Variants in TSHZ3 observed in about 807,000 individuals in gnomAD.
TSHZ3 encodes the protein teashirt zinc finger homeobox 3.
A neutral mutation model predicts 64.5 loss-of-function variants in TSHZ3; 10 were observed. The observed-to-expected ratio is 0.16, with a 90% CI of 0.10 to 0.26. The LOEUF (loss-of-function observed/expected upper bound fraction) is 0.26, where lower values mean the gene tolerates loss of function less well. Among genes scored for constraint, TSHZ3 ranks in the 10% least tolerant of loss-of-function variants. The probability of loss-of-function intolerance (pLI) is 1.00; values close to 1 mark genes in which losing one functional copy is unlikely to be tolerated. For missense variants in TSHZ3, 1,242 were observed against 1,421.7 expected (o/e 0.87, Z 2.03); for synonymous variants, 608 against 593.1 (o/e 1.03, Z -0.36).
intron 5 of TSHZ3, among the ~76,000 whole-genome samples, chr19:31,187,110 G>T (rs1475943581): frequency 6.6e-6 from 1 of 151,980 alleles, no homozygotes; most frequent in Non-Finnish European, 1.5e-5. Flanking sequence ...TTACAATCAG[G>T]ACACAGAGCA....
chr19:31,304,225 G>A (rs1028485419), intron 1 of TSHZ3, among the ~76,000 whole-genome samples: 5 of 145,838 alleles, frequency 3.4e-5, no homozygotes, highest in Middle Eastern at 3.6e-3. Flanking sequence ...TGCCTGCCTC[G>A]GCCTCCCAAA....
chr19:31,259,472 T>C (rs973337446), intron 1 of TSHZ3, among the ~76,000 whole-genome samples: 1 of 152,002 alleles, frequency 6.6e-6, no homozygotes, highest in African/African-American at 2.4e-5. Flanking sequence ...CCTCAGACTG[T>C]CCAGGTAGGG....
chr19:31,344,886 G>C (rs2145202030), intron 1 of TSHZ3, among the ~76,000 whole-genome samples: 1 of 152,334 alleles, frequency 6.6e-6, no homozygotes, highest in South Asian at 2.1e-4. Flanking sequence ...AGGCAATTTA[G>C]GGAATCGCTG....
chr19:31,170,002 T>G (rs1027365655), intron 5 of TSHZ3, among the ~76,000 whole-genome samples: 5 of 152,128 alleles, frequency 3.3e-5, no homozygotes, highest in African/African-American at 1.2e-4. Flanking sequence ...GCTAATAGGG[T>G]CTAGCTGAAT....
chr19:31,338,087 T>C (rs1344086454), intron 1 of TSHZ3, among the ~76,000 whole-genome samples: 1 of 152,208 alleles, frequency 6.6e-6, no homozygotes, highest in Non-Finnish European at 1.5e-5. Flanking sequence ...GTAGTGTAGA[T>C]CCAGCAGGAA....
intron 1 of TSHZ3, among the ~76,000 whole-genome samples, chr19:31,306,632 G>A (rs1372509947): frequency 6.6e-6 from 1 of 152,048 alleles, no homozygotes; most frequent in Non-Finnish European, 1.5e-5. Context: ...ACAGAACCTG[G>A]GTCTCTGCCA....
chr19:31,224,191 A>T (rs1474455295), intron 4 of TSHZ3, among the ~76,000 whole-genome samples: 1 of 152,188 alleles, frequency 6.6e-6, no homozygotes, highest in East Asian at 1.9e-4. Context: ...AATAAGGTTT[A>T]CCATTTGTCT....
chr19:31,206,446 G>A (rs571317920), intron 4 of TSHZ3, among the ~76,000 whole-genome samples: 17 of 152,258 alleles, frequency 1.1e-4, no homozygotes, highest in African/African-American at 4.1e-4. Flanking sequence ...AGCAAAGCAA[G>A]AGACACCAAA....
At chr19:31,294,495 C>G (rs146616170) in intron 1 of TSHZ3, among the ~76,000 whole-genome samples, 2 of 152,278 alleles carry the variant, frequency 1.3e-5, no homozygotes, top group African/African-American at 4.8e-5. Flanking sequence ...AGTTAACATG[C>G]ACCCAGGCCT....
intron 1 of TSHZ3, among the ~76,000 whole-genome samples, chr19:31,335,581 C>T (rs1244989039): frequency 1.3e-5 from 2 of 152,190 alleles, no homozygotes; most frequent in African/African-American, 2.4e-5. Context: ...TGGTTGTCTC[C>T]CACTCAGACT....
exon 7 of TSHZ3, among the ~76,000 whole-genome samples, chr19:31,150,134 G>T (rs1974220142): frequency 6.7e-6 from 1 of 149,972 alleles, no homozygotes; most frequent in South Asian, 2.1e-4. Flanking sequence ...TGCAAAATGT[G>T]ATTTTTTTCC....
chr19:31,223,157 C>T (rs1299830838), intron 4 of TSHZ3, among the ~76,000 whole-genome samples: 1 of 152,158 alleles, frequency 6.6e-6, no homozygotes, highest in Non-Finnish European at 1.5e-5. Context: ...CTGCTCATCT[C>T]ATGGAGCAGA....
downstream of TSHZ3, among the ~76,000 whole-genome samples, chr19:31,273,990 C>T (rs560298937): frequency 3.3e-5 from 5 of 152,202 alleles, no homozygotes; most frequent in South Asian, 8.3e-4. Flanking sequence ...CCTAAAAACC[C>T]GGAGAAAGAT....
At chr19:31,200,037 G>A (rs1004396077) in intron 5 of TSHZ3, among the ~76,000 whole-genome samples, 6 of 151,718 alleles carry the variant, frequency 4.0e-5, no homozygotes, top group Non-Finnish European at 7.4e-5. Context: ...ATACCTATTC[G>A]AATGGCTAAA....
At chr19:31,228,711 G>C (rs1216809925) in intron 3 of TSHZ3, among the ~76,000 whole-genome samples, 2 of 152,110 alleles carry the variant, frequency 1.3e-5, no homozygotes, top group African/African-American at 2.4e-5. Context: ...AGATTGCAGA[G>C]AGTGGTGTTC....
At chr19:31,185,171 G>T (rs994692798) in intron 5 of TSHZ3, among the ~76,000 whole-genome samples, 1 of 150,698 alleles carries the variant, frequency 6.6e-6, no homozygotes, top group Non-Finnish European at 1.5e-5. Context: ...CTTCCCTTCC[G>T]CCAGTGGCCG....
At chr19:31,270,894 A>T (rs887252190), downstream of TSHZ3, among the ~76,000 whole-genome samples, 1 of 152,220 alleles carries the variant, frequency 6.6e-6, no homozygotes, top group Admixed American at 6.5e-5. Context: ...TTTATTAAGA[A>T]TATATCAGTA....
chr19:31,193,098 G>T (rs1974936462), intron 5 of TSHZ3, among the ~76,000 whole-genome samples: 1 of 152,144 alleles, frequency 6.6e-6, no homozygotes, highest in Non-Finnish European at 1.5e-5. Flanking sequence ...CTGATGAAAG[G>T]GAGACGTGTG....
intron 1 of TSHZ3, among the ~76,000 whole-genome samples, chr19:31,323,863 A>ACACACAC (rs1916850882): frequency 6.5e-5 from 8 of 122,238 alleles, no homozygotes; most frequent in Non-Finnish European, 1.2e-4. Flanking sequence ...CCTGGCCTCC[A>ACACACAC]ACACACACAC....
Sources: gnomAD v4.1 joint callset for allele counts (sites outside exome capture counted in the v4.1 genomes callset) on GRCh38, gnomAD v4.1.1 for gene constraint, MANE v1.5 for transcripts, NCBI Gene and HGNC (gene_info 2026-07-23, HGNC 2026-07-21) for gene names.